Variants in AMBN observed in about 807,000 individuals in gnomAD.
The protein encoded by AMBN is ameloblastin, also known as enamel matrix protein.
A neutral mutation model predicts 48.0 loss-of-function variants in AMBN; 54 were observed. That is an observed-to-expected ratio of 1.12 (90% confidence interval 0.90 to 1.41). The LOEUF is 1.41. Among genes scored for constraint, AMBN ranks in the 40% most tolerant of loss-of-function variants. The probability of loss-of-function intolerance (pLI) is 0.00; values close to 1 mark genes in which losing one functional copy is unlikely to be tolerated. For synonymous variants in AMBN, 186 were observed against 190.0 expected (o/e 0.98, Z 0.17); for missense variants, 571 against 547.3 (o/e 1.04, Z -0.43).
At chr4:70,604,949 C>T (rs369701598) in intron 12 of AMBN, among the ~76,000 whole-genome samples, 38 of 150,676 alleles carry the variant, frequency 2.5e-4, no homozygotes, top group South Asian at 1.3e-3. Flanking sequence ...GCTGAGATCA[C>T]GCCACTGCAC....
chr4:70,604,859 G>C (rs1310095481), intron 12 of AMBN, among the ~76,000 whole-genome samples: 3 of 152,070 alleles, frequency 2.0e-5, no homozygotes, highest in African/African-American at 7.2e-5. Context: ...CAGGTTTAGT[G>C]GCGCGAGCCT....
chr4:70,592,828 C>G (rs556513212), intron 1 of AMBN, among the ~76,000 whole-genome samples: 1 of 152,092 alleles, frequency 6.6e-6, no homozygotes, highest in African/African-American at 2.4e-5. Flanking sequence ...GTCATGGTTA[C>G]GTAGATTACC....
chr4:70,606,977 G>T lies in AMBN; in HGVS notation c.*247G>T. On this transcript the variant is annotated 3_prime_UTR_variant, in exon 13 of 13. Coordinates refer to ENST00000322937, the MANE Select transcript of AMBN (RefSeq NM_016519.6). ...ACACTATTAATAACATCAGAGCAAG[G>T]TTCTAAGGGTCTCAGCATTTGATCA... is the stretch of plus-strand genomic sequence containing the variant. 2.2e-6 allele frequency: 1 copy of T among 451,518 alleles called. No homozygotes were observed. The allele number at this position is 451,518 out of a possible 1,614,324, so 28.0% of individuals were successfully genotyped here. A position where few individuals can be genotyped will look rare whatever the true frequency, so the allele number is the denominator to read the frequency against.
rs1257586378 is a variant in AMBN at position 70,592,280 on chromosome 4, C to A, written c.-79C>A. 1 of 1,444,318 alleles carries A rather than the reference C, an allele frequency of 6.9e-7. No homozygotes were observed. Among genetic ancestry groups the A allele is most frequent in the Non-Finnish European group, 9.7e-7 (1 of 1,028,330 alleles). The allele number at this position is 1,444,318 out of a possible 1,614,324, so 89.5% of individuals were successfully genotyped here. A position where few individuals can be genotyped will look rare whatever the true frequency, so the allele number is the denominator to read the frequency against. On this transcript the variant is annotated 5_prime_UTR_variant, in exon 1 of 13. Transcript: ENST00000322937. Reference sequence around the variant, plus strand: ...TGAGAAGTACAGAGCAAGTCCCACGCACAGTCCTGAAAAAAATTTTAATCT... The same window carrying A: ...TGAGAAGTACAGAGCAAGTCCCACGAACAGTCCTGAAAAAAATTTTAATCT...
chr4:70,599,738 A>T, intron 5 of AMBN, 92 bp downstream of exon 5: 1 of 857,968 alleles, frequency 1.2e-6, no homozygotes. Flanking sequence ...AGAAACAGCC[A>T]AGTCCTAGCA....
At position 70,606,171 on chromosome 4, in the gene AMBN, G is replaced by GT. The variant is rs751520250; in HGVS notation, c.799-5dup. ...TGTGATGATGGCATCTTTGACGAAT[G>GT]TTTTTTTTTCCAGGGCGGGAGAGAA... On this transcript the variant is annotated splice_polypyrimidine_tract_variant and intron_variant, in intron 12 of 12. Transcript: ENST00000322937. The GT allele has an allele frequency of 1.8e-4, 287 of 1,586,106 alleles. No homozygotes were observed. Among genetic ancestry groups the GT allele is most frequent in the Middle Eastern group, 3.3e-4 (2 of 5,994 alleles).
rs1560390425 is a variant in AMBN, at chr4:70,606,583, T to G, written c.1197T>G (p.Asp399Glu). ...TAGCTGATGTTTATAGGACCTACGA[T>G]GCTGACATGACCACATCCGTGGATT... ...PELADVYRTYDADMTTSVDFQ... is the reference protein window; with the variant it reads ...PELADVYRTYEADMTTSVDFQ... Residue 399 changes from aspartate to glutamate, a missense_variant, in exon 13 of 13, where the codon GAT becomes GAG. Coordinates refer to ENST00000322937, the MANE Select transcript of AMBN (RefSeq NM_016519.6). 6.2e-7 allele frequency: 1 copy of G among 1,614,136 alleles called. No homozygotes were observed.
chr4:70,599,270 G>A lies in AMBN; in HGVS notation c.184-266G>A, dbSNP rs910655196. Among the ~76,000 whole-genome samples the A allele has an allele frequency of 1.8e-4, 27 of 151,916 alleles. 1 individual carries two copies. The highest frequency in any genetic ancestry group is 2.8e-4 in the Non-Finnish European group (19 of 67,954). Reference sequence around the variant, plus strand: ...ATCCTGGCCAACACGGTGAAACCCCGTCTCTACTAAAAATACAGAAATTAG... The same window carrying A: ...ATCCTGGCCAACACGGTGAAACCCCATCTCTACTAAAAATACAGAAATTAG... On this transcript the variant is annotated intron_variant, in intron 4 of 12. Transcript: ENST00000322937.
At chr4:70,603,087 AT>A in intron 9 of AMBN, 77 bp downstream of exon 9, 1 of 1,489,602 alleles carries the variant, frequency 6.7e-7, no homozygotes, top group Non-Finnish European at 9.1e-7. Flanking sequence ...GAATTTTTTC[AT>A]TGTCCCATTT....
intron 6 of AMBN, chr4:70,602,009 T>C: frequency 2.2e-6 from 1 of 461,118 alleles, no homozygotes; most frequent in Non-Finnish European, 4.3e-6. Flanking sequence ...AAAAAGTGAT[T>C]GATCCCTCAG....
chr4:70,596,819 T>G (rs1346549143), intron 2 of AMBN, among the ~76,000 whole-genome samples, 180 bp from the exon 3 acceptor site: 1 of 152,212 alleles, frequency 6.6e-6, no homozygotes, highest in Non-Finnish European at 1.5e-5. Flanking sequence ...ACTATGTTGA[T>G]TCTCCCAAAT....
intron 12 of AMBN, among the ~76,000 whole-genome samples, chr4:70,605,171 C>T (rs1737614362): frequency 1.3e-5 from 2 of 151,986 alleles, no homozygotes; most frequent in South Asian, 2.1e-4. Flanking sequence ...ACAGTATCAT[C>T]CCTGGAGGAG....
At chr4:70,600,306 C>CT (rs1384479745) in intron 5 of AMBN, among the ~76,000 whole-genome samples, 3 of 150,754 alleles carry the variant, frequency 2.0e-5, no homozygotes, top group Admixed American at 2.0e-4. Context: ...GAGACTCTGT[C>CT]TCAAAAAAAA....
intron 2 of AMBN, among the ~76,000 whole-genome samples, chr4:70,594,039 T>A (rs1422083598): frequency 6.6e-6 from 1 of 152,172 alleles, no homozygotes; most frequent in Non-Finnish European, 1.5e-5. Flanking sequence ...ATTATAAAGT[T>A]GAAATGGAAA....
chr4:70,598,459 G>T, intron 4 of AMBN, 56 bp downstream of exon 4: 1 of 1,372,134 alleles, frequency 7.3e-7, no homozygotes, highest in Non-Finnish European at 1.0e-6. Context: ...AATATTAGCA[G>T]CAGCATTATA....
In AMBN at chr4:70,602,533, G is replaced by T. The variant is rs187673856; in HGVS notation, c.532-91G>T. 59 of 905,618 alleles carry T rather than the reference G, an allele frequency of 6.5e-5. No individual in the cohort carries two copies. The East Asian group carries it at 1.5e-3, about 22-fold the overall frequency. The allele number at this position is 905,618 out of a possible 1,614,324, so 56.1% of individuals were successfully genotyped here. ...TGTAAACAAGATAAGGATGTGATCA[G>T]TTCACTTTGTCTATTTTTTTATTTT... On this transcript the variant is annotated intron_variant, in intron 6 of 12. Transcript: ENST00000322937.
At chr4:70,603,154 A>C in intron 9 of AMBN, 106 bp from the exon 10 acceptor site, 1 of 1,346,270 alleles carries the variant, frequency 7.4e-7, no homozygotes, top group Non-Finnish European at 1.0e-6. Flanking sequence ...TTAAATACTT[A>C]TTTTCTATAC....
At position 70,606,517 on chromosome 4, in the gene AMBN, C is replaced by T. The variant is rs116601725; in HGVS notation, c.1131C>T (p.Ser377=). 1.5e-4 allele frequency: 238 copies of T among 1,614,078 alleles called. 1 individual carries two copies. The African/African-American group carries it at 2.3e-3, about 15-fold the overall frequency. Reference sequence around the variant, plus strand: ...CAGGGAAGATGAAGGGACTCCCCAGCGTCACCCCAGCAGCTGCTGACCCAC... The same window carrying T: ...CAGGGAAGATGAAGGGACTCCCCAGTGTCACCCCAGCAGCTGCTGACCCAC... The part of the protein sequence containing the change: ...SPSGKMKGLP[S]VTPAAADPLM... The change falls in exon 13 of 13, where the codon AGC becomes AGT. Residue 377 remains serine (S), a synonymous_variant. Coordinates refer to ENST00000322937, the MANE Select transcript of AMBN (RefSeq NM_016519.6).
Position 70,606,675 on chromosome 4 carries a change from A to G in AMBN, c.1289A>G (p.Asn430Ser). ...PNSLQTSMPG[N>S]KAQEPEMMHD... ...TCTCTGCAAACATCCATGCCAGGAA[A>G]CAAAGCCCAGGAGCCCGAGATGATG... Residue 430 changes from asparagine to serine, a missense_variant, in exon 13 of 13, where the codon AAC (asparagine) becomes AGC (serine). By Grantham distance (46) the Asn-to-Ser change is conservative. Transcript: ENST00000322937. 1 of 1,614,106 alleles carries G rather than the reference A, an allele frequency of 6.2e-7. No homozygotes were observed. The highest frequency in any genetic ancestry group is 8.5e-7 in the Non-Finnish European group (1 of 1,179,982).
Sources: gnomAD v4.1 joint callset for allele counts (sites outside exome capture counted in the v4.1 genomes callset) on GRCh38, gnomAD v4.1.1 for gene constraint, MANE v1.5 for transcripts, NCBI Gene and HGNC (gene_info 2026-07-23, HGNC 2026-07-21) for gene names.